SPIN3: variants seen among roughly 807,000 people sequenced by gnomAD.
The protein encoded by SPIN3 is spindlin family member 3.
For missense variants in SPIN3, 176 were observed against 196.4 expected, an observed-to-expected ratio of 0.90 and a Z score of 0.62; for synonymous variants, 74 against 74.3, an observed-to-expected ratio of 1.00 and a Z score of 0.02.
rs942931725 is a variant in SPIN3, at chrX:56,991,341, A to T, written c.*2830T>A. On this transcript the variant is annotated 3_prime_UTR_variant, in exon 2 of 2. Transcript: ENST00000374919. ...AAAGCAGATGTTTACCCAGCCATGT[A>T]GTGAAGGACTGCAGTCTTTCCCACA... is the stretch of plus-strand genomic sequence containing the variant. 2 of 111,470 alleles carry T rather than the reference A, an allele frequency of 1.8e-5. No homozygotes were observed. Among genetic ancestry groups the T allele is most frequent in the Admixed American group, 1.9e-4 (2 of 10,498 alleles). The allele number at this position is 111,470 out of a possible 1,213,427, so 9.2% of individuals were successfully genotyped here.
In SPIN3 at chrX:56,994,003, G is replaced by T; in HGVS notation, c.*168C>A. The T allele has an allele frequency of 2.2e-6, 1 of 458,118 alleles. No homozygotes were observed. The highest frequency in any genetic ancestry group is 3.6e-6 in the Non-Finnish European group (1 of 281,257). 37.8% of individuals were successfully genotyped at this position (458,118 alleles called of 1,213,427 possible). On this transcript the variant is annotated 3_prime_UTR_variant, in exon 2 of 2. Transcript: ENST00000374919. Reference sequence around the variant, plus strand: ...ACCAGTGAAAAGGTTGGACAGATGGGCAAAAGGTTTCTTCCAAAAACGTAT... The same window carrying T: ...ACCAGTGAAAAGGTTGGACAGATGGTCAAAAGGTTTCTTCCAAAAACGTAT...
chrX:56,995,148 G>A, intron 1 of SPIN3, 68 bp downstream of exon 1: 1 of 399,212 alleles, frequency 2.5e-6, no homozygotes, highest in Non-Finnish European at 4.2e-6. Flanking sequence ...GCTCAGTCTG[G>A]CTAAGATCTG....
intron 1 of SPIN3, 40 bp from the exon 2 acceptor site, chrX:56,994,989 G>A: frequency 8.9e-7 from 1 of 1,120,019 alleles, no homozygotes; most frequent in Non-Finnish European, 1.2e-6. Flanking sequence ...ACCGAGAAAG[G>A]AAATTAACAA....
chrX:56,979,502 A>C (rs1461427580), intron 3 of SPIN3: 1 of 112,471 alleles, frequency 8.9e-6, no homozygotes, highest in Admixed American at 9.4e-5. Flanking sequence ...CCAGTATTCC[A>C]AGTGAGATTT....
chrX:56,981,108 C>T (rs1924108805), intron 3 of SPIN3, among the ~76,000 whole-genome samples: 1 of 110,203 alleles, frequency 9.1e-6, no homozygotes, highest in South Asian at 3.9e-4. Context: ...CGCCTATAAT[C>T]CCAGCACTTT....
intron 2 of SPIN3, among the ~76,000 whole-genome samples, chrX:56,984,911 T>G (rs1177056318): frequency 9.0e-6 from 1 of 111,455 alleles, no homozygotes. Flanking sequence ...TGTCCAAAAC[T>G]GATTTCCTAG....
At position 56,992,260 on chromosome X, in the gene SPIN3, T is replaced by C. The variant is rs1021545899; in HGVS notation, c.*1911A>G. The C allele has an allele frequency of 3.4e-6, 1 of 297,096 alleles. No individual in the cohort carries two copies. Among genetic ancestry groups the C allele is most frequent in the Non-Finnish European group, 5.9e-6 (1 of 170,236 alleles). 24.5% of individuals were successfully genotyped at this position (297,096 alleles called of 1,213,427 possible). Reference sequence around the variant, plus strand: ...AATCTAACCCCACAATTGCATGTCATACATATTAAAGAGTCCAAAGGGTCA... The same window carrying C: ...AATCTAACCCCACAATTGCATGTCACACATATTAAAGAGTCCAAAGGGTCA... On this transcript the variant is annotated 3_prime_UTR_variant, in exon 2 of 2. Transcript: ENST00000374919.
intron 3 of SPIN3, chrX:56,980,500 A>G (rs1924092632): frequency 9.0e-6 from 1 of 111,055 alleles, no homozygotes; most frequent in Non-Finnish European, 1.9e-5. Context: ...TAGGAAGGAC[A>G]TATCAACTAC....
At position 56,994,737 on chromosome X, in the gene SPIN3, T is replaced by A. The variant is rs775385438; in HGVS notation, c.211A>T (p.Thr71Ser). Residue 71 changes from threonine (T) to serine (S), a missense_variant, in exon 2 of 2, where the codon ACC becomes TCC. By Grantham distance (58) the Thr-to-Ser change is moderately conservative. Coordinates refer to ENST00000374919, the MANE Select transcript of SPIN3 (RefSeq NM_001010862.3). Reference sequence around the variant, plus strand: ...TTTACAGGTACCTGATCCAGAACGGTTCCTTTCCACTGTGTTAGAGGTTCA... The same window carrying A: ...TTTACAGGTACCTGATCCAGAACGGATCCTTTCCACTGTGTTAGAGGTTCA... ...GDEPLTQWKG[T>S]VLDQVPVNPS... 1 of 1,210,094 alleles carries A rather than the reference T, an allele frequency of 8.3e-7. No individual in the cohort carries two copies. The highest frequency in any genetic ancestry group is 1.7e-5 in the African/African-American group (1 of 57,190).
In SPIN3 at chrX:56,994,063, A is replaced by G. The variant is rs1924419886; in HGVS notation, c.*108T>C. On this transcript the variant is annotated 3_prime_UTR_variant, in exon 2 of 2. Transcript: ENST00000374919. ...GAAGTTCCAATTTTTTTGCCAAGCA[A>G]AACGTGCAAAAAGGGAGAAGATGGT... 3.4e-6 allele frequency: 3 copies of G among 889,605 alleles called. No homozygotes were observed. Among genetic ancestry groups the G allele is most frequent in the Middle Eastern group, 4.1e-4 (1 of 2,447 alleles). 73.3% of individuals were successfully genotyped at this position (889,605 alleles called of 1,213,427 possible). A position where few individuals can be genotyped will look rare whatever the true frequency, so the allele number is the denominator to read the frequency against.
At chrX:56,978,604 T>C (rs939680607) in exon 4 of SPIN3, 3 of 111,305 alleles carry the variant, frequency 2.7e-5, no homozygotes, top group African/African-American at 9.8e-5. Flanking sequence ...TAGGATTAAA[T>C]AGAAAAGAGG....
downstream of SPIN3, among the ~76,000 whole-genome samples, chrX:56,990,062 C>A (rs1464270057): frequency 1.8e-5 from 2 of 109,061 alleles, no homozygotes; most frequent in Non-Finnish European, 3.8e-5. Context: ...AGGGATGGAA[C>A]ACCTGACCTT....
chrX:56,985,229 T>A (rs1322094947), intron 2 of SPIN3, among the ~76,000 whole-genome samples: 1 of 112,352 alleles, frequency 8.9e-6, no homozygotes, highest in Non-Finnish European at 1.9e-5. Context: ...CAGAGAGATT[T>A]TTTTAGAAAC....
At chrX:56,995,175 G>A (rs1367960075) in intron 1 of SPIN3, 41 bp downstream of exon 1, 2 of 372,872 alleles carry the variant, frequency 5.4e-6, no homozygotes, top group Admixed American at 5.0e-5. Context: ...GGTGAAATAC[G>A]AAGCGTTTCC....
downstream of SPIN3, among the ~76,000 whole-genome samples, chrX:56,988,240 AAAG>A (rs1199400668): frequency 9.0e-6 from 1 of 111,504 alleles, no homozygotes; most frequent in Non-Finnish European, 1.9e-5. Context: ...GAAAACAGTG[AAAG>A]AAGAAAATAA....
At position 56,993,022 on chromosome X, in the gene SPIN3, T is replaced by C. The variant is rs1924385113; in HGVS notation, c.*1149A>G. Reference sequence around the variant, plus strand: ...ACAGATTACCTACCACTGACTGTGTTCCAAGTCCTGCTGGGATACCATAAT... The same window carrying C: ...ACAGATTACCTACCACTGACTGTGTCCCAAGTCCTGCTGGGATACCATAAT... On this transcript the variant is annotated 3_prime_UTR_variant, in exon 2 of 2. Coordinates refer to ENST00000374919, the MANE Select transcript of SPIN3 (RefSeq NM_001010862.3). 1 of 111,997 alleles carries C rather than the reference T, an allele frequency of 8.9e-6. No individual in the cohort carries two copies. Among genetic ancestry groups the C allele is most frequent in the Non-Finnish European group, 1.9e-5 (1 of 53,389 alleles). The allele number at this position is 111,997 out of a possible 1,213,427, so 9.2% of individuals were successfully genotyped here. A position where few individuals can be genotyped will look rare whatever the true frequency, so the allele number is the denominator to read the frequency against.
chrX:56,986,659 A>G, downstream of SPIN3, among the ~76,000 whole-genome samples: 1 of 112,295 alleles, frequency 8.9e-6, no homozygotes, highest in East Asian at 2.8e-4. Context: ...GTCTTGTAGT[A>G]TGTGCTTGAA....
At chrX:56,981,637 A>T (rs1924121625) in intron 3 of SPIN3, 1 of 112,099 alleles carries the variant, frequency 8.9e-6, no homozygotes, top group Non-Finnish European at 1.9e-5. Context: ...AATTCCTATC[A>T]TGGCATAGAT....
At chrX:56,995,119 G>T in intron 1 of SPIN3, 97 bp downstream of exon 1, 1 of 488,901 alleles carries the variant, frequency 2.0e-6, no homozygotes, top group Non-Finnish European at 3.3e-6. Context: ...CTGAGTGCCT[G>T]CAGTAACCTT....
Sources: allele counts gnomAD v4.1 joint callset (sites outside exome capture counted in the v4.1 genomes callset), GRCh38; gene constraint gnomAD v4.1.1; transcripts MANE v1.5; gene names NCBI Gene and HGNC (gene_info 2026-07-23, HGNC 2026-07-21).